The following CDH12 variants were observed in gnomAD, a reference collection of about 807,000 sequenced individuals.
CDH12 encodes the protein cadherin 12, also known as cadherin-12.
Under a neutral mutation model 74.1 loss-of-function variants are expected in CDH12, and 41 were observed. The observed-to-expected ratio is 0.55, with a 90% CI of 0.43 to 0.72. The LOEUF is 0.72. Among genes scored for constraint, CDH12 ranks in the 30% least tolerant of loss-of-function variants. CDH12 has a pLI of 0.00. For missense variants in CDH12, 945 were observed against 977.2 expected (o/e 0.97, Z 0.44); for synonymous variants, 399 against 355.0 (o/e 1.12, Z -1.39).
At chr5:22,574,748 C>T (rs1174375903) in intron 1 of CDH12, among the ~76,000 whole-genome samples, 2 of 152,050 alleles carry the variant, frequency 1.3e-5, no homozygotes, top group Non-Finnish European at 2.9e-5. Context: ...GGTATAGTCA[C>T]GGAATCATAT....
chr5:21,783,588 C>T (rs865838066), intron 10 of CDH12, 94 bp from the exon 11 acceptor site: 12 of 917,032 alleles, frequency 1.3e-5, no homozygotes, highest in Middle Eastern at 4.8e-4. Flanking sequence ...TATTTTTCTC[C>T]CTGTAGCTAT....
chr5:22,816,044 T>C (rs1017306545), intron 1 of CDH12, among the ~76,000 whole-genome samples: 5 of 152,128 alleles, frequency 3.3e-5, no homozygotes, highest in Admixed American at 2.0e-4. Context: ...CCATTATGAA[T>C]GCAGCGATTT....
At chr5:21,883,166 G>A (rs879148796) in intron 6 of CDH12, 11 of 1,504,204 alleles carry the variant, frequency 7.3e-6, no homozygotes, top group South Asian at 3.4e-5. Flanking sequence ...CAATGAAAAA[G>A]GTTGGAAGAA....
intron 3 of CDH12, among the ~76,000 whole-genome samples, chr5:22,308,169 C>T (rs1738209801): frequency 1.3e-5 from 2 of 151,966 alleles, no homozygotes; most frequent in Admixed American, 1.3e-4. Context: ...CGTGAGCCCC[C>T]CGCGCCTGGC....
At chr5:22,563,741 A>G (rs1048134747) in intron 1 of CDH12, among the ~76,000 whole-genome samples, 1 of 152,158 alleles carries the variant, frequency 6.6e-6, no homozygotes, top group African/African-American at 2.4e-5. Context: ...CATTGGACTC[A>G]TGGTTCAACA....
At chr5:22,785,207 G>A (rs1747564718) in intron 1 of CDH12, among the ~76,000 whole-genome samples, 1 of 151,946 alleles carries the variant, frequency 6.6e-6, no homozygotes, top group Non-Finnish European at 1.5e-5. Context: ...CTTGCTTCAG[G>A]GATGACTTCT....
chr5:21,905,413 C>G (rs1199572038), intron 6 of CDH12, among the ~76,000 whole-genome samples: 1 of 152,212 alleles, frequency 6.6e-6, no homozygotes, highest in Non-Finnish European at 1.5e-5. Context: ...ACTGGAAATA[C>G]AGCAGTGAGT....
At chr5:22,387,303 G>A (rs1224619300) in intron 3 of CDH12, among the ~76,000 whole-genome samples, 1 of 151,626 alleles carries the variant, frequency 6.6e-6, no homozygotes, top group African/African-American at 2.4e-5. Flanking sequence ...AAAATGTAAT[G>A]TACATTAAAA....
chr5:21,917,935 T>G (rs1754174419), intron 6 of CDH12, among the ~76,000 whole-genome samples: 1 of 152,206 alleles, frequency 6.6e-6, no homozygotes, highest in Non-Finnish European at 1.5e-5. Flanking sequence ...CTCTTTTATA[T>G]CAGTTGTAAC....
intron 3 of CDH12, among the ~76,000 whole-genome samples, chr5:22,221,886 G>C (rs1405561318): frequency 6.6e-6 from 1 of 151,906 alleles, no homozygotes; most frequent in Non-Finnish European, 1.5e-5. Flanking sequence ...TGCCTGTAAA[G>C]TGATTTCCTA....
chr5:22,296,684 G>T (rs1156817182), intron 3 of CDH12, among the ~76,000 whole-genome samples: 2 of 152,058 alleles, frequency 1.3e-5, no homozygotes, highest in Non-Finnish European at 2.9e-5. Flanking sequence ...CTAATTTAAA[G>T]AAATTGAGTT....
intron 7 of CDH12, among the ~76,000 whole-genome samples, chr5:21,843,209 T>G (rs1299463355): frequency 1.3e-5 from 2 of 152,186 alleles, no homozygotes; most frequent in Non-Finnish European, 2.9e-5. Flanking sequence ...AGCATTTGTT[T>G]TAAACACAGC....
chr5:21,883,146 A>G, intron 6 of CDH12: 1 of 1,537,032 alleles, frequency 6.5e-7, no homozygotes, highest in Admixed American at 1.7e-5. Context: ...TGGCAATATC[A>G]TCTCTGATGC....
At chr5:22,550,381 A>G (rs1738514642) in intron 1 of CDH12, among the ~76,000 whole-genome samples, 1 of 152,078 alleles carries the variant, frequency 6.6e-6, no homozygotes, top group East Asian at 1.9e-4. Context: ...TAAACTTTAC[A>G]TGTTTGACTC....
Position 21,842,183 on chromosome 5 carries a change from G to A in CDH12, c.792C>T (p.Asp264=), listed in dbSNP as rs371465950. ...IVNITLTDVN[D]NPPRFPKSIF... ...TACTTTTGGGGAATCGAGGTGGATT[G>A]TCATTGACATCGGTGAGAGTGATGT... The change falls in exon 8 of 15, where the codon GAC becomes GAT. Residue 264 remains aspartate (D), a synonymous_variant. Transcript: ENST00000382254. 5.6e-6 allele frequency: 9 copies of A among 1,611,442 alleles called. No individual in the cohort carries two copies. The African/African-American group carries it at 1.1e-4, about 19-fold the overall frequency.
At chr5:21,886,903 C>A (rs910870048) in intron 6 of CDH12, among the ~76,000 whole-genome samples, 1 of 152,000 alleles carries the variant, frequency 6.6e-6, no homozygotes, top group Non-Finnish European at 1.5e-5. Context: ...TAAGATGGAA[C>A]AATGAAGCAG....
At chr5:22,117,523 A>G (rs1435224324) in intron 4 of CDH12, among the ~76,000 whole-genome samples, 1 of 65,582 alleles carries the variant, frequency 1.5e-5, no homozygotes, top group Admixed American at 2.1e-4. Context: ...ATATATATAT[A>G]ATATATATAT....
Position 22,836,524 on chromosome 5 carries a change from C to A in CDH12, c.-523+16534G>T, listed in dbSNP as rs147154458. 3.0e-3 allele frequency among the ~76,000 whole-genome samples: 455 copies of A among 152,040 alleles called. 3 individuals are homozygous for A. The highest frequency in any genetic ancestry group is 0.01 in the African/African-American group (432 of 41,502). ...GATTACAGGCATGAGCCACTGCGCC[C>A]AGCCAGTCCTGATGCTTTTTAAGGG... On this transcript the variant is annotated intron_variant, in intron 1 of 14. Coordinates refer to ENST00000382254, the MANE Select transcript of CDH12 (RefSeq NM_004061.5).
intron 6 of CDH12, among the ~76,000 whole-genome samples, chr5:21,879,190 TA>T (rs1296672861): frequency 5.3e-5 from 8 of 152,034 alleles, no homozygotes; most frequent in South Asian, 2.1e-4. Context: ...GTTCACACTA[TA>T]AAAAAAACTT....
Sources: allele counts gnomAD v4.1 joint callset (sites outside exome capture counted in the v4.1 genomes callset), GRCh38; gene constraint gnomAD v4.1.1; transcripts MANE v1.5; gene names NCBI Gene and HGNC (gene_info 2026-07-23, HGNC 2026-07-21).